The following TEX2 variants were observed in gnomAD, a reference collection of about 807,000 sequenced individuals.
TEX2 encodes testis-expressed protein 2.
Under a neutral mutation model 106.9 loss-of-function variants are expected in TEX2, and 53 were observed. The ratio of observed to expected loss-of-function variants is 0.50; its 90% CI spans 0.40 to 0.62. The LOEUF (loss-of-function observed/expected upper bound fraction) is 0.62. Among genes scored for constraint, TEX2 ranks in the 20% least tolerant of loss-of-function variants. The pLI is 0.00. For synonymous variants in TEX2, 523 were observed against 534.8 expected (o/e 0.98, Z 0.30); for missense variants, 1,207 against 1,379.0 (o/e 0.88, Z 1.98).
chr17:64,188,513 CTG>C, intron 4 of TEX2, 98 bp from the exon 5 acceptor site: 2 of 1,559,518 alleles, frequency 1.3e-6, no homozygotes, highest in South Asian at 2.4e-5. Flanking sequence ...TATCAAATGA[CTG>C]TTTAAAAATA....
chr17:64,259,328 A>G (rs1290620696), intron 1 of TEX2, among the ~76,000 whole-genome samples: 2 of 152,184 alleles, frequency 1.3e-5, no homozygotes, highest in Admixed American at 1.3e-4. Flanking sequence ...CACGCAGTGT[A>G]ATTACGCATT....
chr17:64,173,531 T>C (rs57965889), intron 6 of TEX2, among the ~76,000 whole-genome samples: 1 of 152,304 alleles, frequency 6.6e-6, no homozygotes, highest in East Asian at 1.9e-4. Context: ...TCTGATTTTT[T>C]GTGGAGGGGA....
chr17:64,183,448 G>A (rs1437859106), intron 5 of TEX2, among the ~76,000 whole-genome samples: 2 of 151,664 alleles, frequency 1.3e-5, no homozygotes, highest in African/African-American at 4.8e-5. Flanking sequence ...CTTTTTTGAG[G>A]CAGAGTCTCA....
chr17:64,211,441 A>T (rs1213781584), intron 2 of TEX2, among the ~76,000 whole-genome samples: 2 of 152,214 alleles, frequency 1.3e-5, no homozygotes, highest in Non-Finnish European at 2.9e-5. Flanking sequence ...CTCTAAAAAC[A>T]TATACAATCA....
intron 8 of TEX2, among the ~76,000 whole-genome samples, chr17:64,158,247 CCAGTAAGGAGGACATCTCA>C (rs2030722296): frequency 6.6e-6 from 1 of 152,220 alleles, no homozygotes; most frequent in South Asian, 2.1e-4. Context: ...AAACTTCCTA[CCAGTAAGGAGGACATCTCA>C]CAGGTTAAGC....
chr17:64,229,910 C>G (rs1555634408), intron 1 of TEX2, among the ~76,000 whole-genome samples: 2 of 152,150 alleles, frequency 1.3e-5, no homozygotes, highest in African/African-American at 4.8e-5. Flanking sequence ...TCTTCAAAAA[C>G]TGAAAAAACT....
rs1315800807 is a variant in TEX2, at chr17:64,194,928, G to C, written c.1812C>G (p.Ile604Met). 1 of 1,614,040 alleles carries C rather than the reference G, an allele frequency of 6.2e-7. No homozygotes were observed. The highest frequency in any genetic ancestry group is 1.3e-5 in the African/African-American group (1 of 74,920). Reference sequence around the variant, plus strand: ...CTGAGAGGTCATAGATTTTCTGGCTGATGTAGGTGACCTCTGGCTTGGGTT... The same window carrying C: ...CTGAGAGGTCATAGATTTTCTGGCTCATGTAGGTGACCTCTGGCTTGGGTT... Reference protein sequence around the residue: ...YNEPKPEVTYISQKIYDLSDS... With the variant: ...YNEPKPEVTYMSQKIYDLSDS... Residue 604 changes from isoleucine to methionine, a missense_variant, in exon 3 of 12, where the codon ATC (isoleucine) becomes ATG (methionine). By Grantham distance (10) the Ile-to-Met change is conservative (BLOSUM62 1). Coordinates refer to ENST00000584379, the MANE Select transcript of TEX2 (RefSeq NM_001288732.2).
At chr17:64,225,712 T>C (rs78068106) in intron 1 of TEX2, among the ~76,000 whole-genome samples, 1,937 of 130,796 alleles carry the variant, frequency 0.015, 43 homozygotes, top group African/African-American at 0.046. Flanking sequence ...CTTTTCTTTT[T>C]TTTTGTTTGT....
chr17:64,183,046 C>T (rs2031942146), intron 5 of TEX2, among the ~76,000 whole-genome samples: 2 of 152,030 alleles, frequency 1.3e-5, no homozygotes, highest in South Asian at 4.1e-4. Context: ...GCTGGGACTA[C>T]AGGCGTGCAC....
intron 8 of TEX2, 47 bp downstream of exon 8, chr17:64,160,754 G>A: frequency 6.2e-7 from 1 of 1,605,620 alleles, no homozygotes; most frequent in Non-Finnish European, 8.5e-7. Flanking sequence ...GGAGGGAGAA[G>A]CTGGTGCCCC....
chr17:64,222,402 C>T (rs1555633390), intron 1 of TEX2, among the ~76,000 whole-genome samples: 2 of 151,378 alleles, frequency 1.3e-5, no homozygotes, highest in Non-Finnish European at 1.5e-5. Context: ...CCTGTAATCC[C>T]AGTTACTCGG....
chr17:64,158,590 G>A (rs954700653), intron 8 of TEX2, among the ~76,000 whole-genome samples: 14 of 152,276 alleles, frequency 9.2e-5, no homozygotes, highest in Admixed American at 2.6e-4. Flanking sequence ...ACTAAGCCGC[G>A]TGGTGATTCC....
intron 1 of TEX2, among the ~76,000 whole-genome samples, chr17:64,228,306 A>T (rs2033562033): frequency 6.6e-6 from 1 of 151,442 alleles, no homozygotes; most frequent in South Asian, 2.1e-4. Context: ...TGGTTTCGGG[A>T]TGATTCAAGT....
intron 1 of TEX2, among the ~76,000 whole-genome samples, chr17:64,234,662 T>A (rs542647560): frequency 1.3e-5 from 2 of 152,216 alleles, no homozygotes; most frequent in South Asian, 4.1e-4. Flanking sequence ...CCTCAGCTTG[T>A]TGGGAGAAAG....
At chr17:64,224,559 T>G (rs1830052) in intron 1 of TEX2, among the ~76,000 whole-genome samples, 132,988 of 152,170 alleles carry the variant, frequency 0.87, 58,446 homozygotes, top group African/African-American at 0.97. Context: ...TCTATCTTCA[T>G]CACTGGCAAG....
chr17:64,220,580 C>T (rs2033329166), intron 1 of TEX2, among the ~76,000 whole-genome samples: 1 of 52,380 alleles, frequency 1.9e-5, no homozygotes, highest in African/African-American at 5.3e-5. Context: ...GACATTTATG[C>T]AGCAAAAAAA....
chr17:64,160,498 TTGCTCGGATGAGTC>T (rs1374114974), intron 8 of TEX2, among the ~76,000 whole-genome samples: 2 of 152,202 alleles, frequency 1.3e-5, no homozygotes, highest in Non-Finnish European at 2.9e-5. Flanking sequence ...GATCATTTTA[TTGCTCGGATGAGTC>T]TGCCCTGCTT....
At chr17:64,219,964 G>A (rs1555633092) in intron 1 of TEX2, among the ~76,000 whole-genome samples, 1 of 152,184 alleles carries the variant, frequency 6.6e-6, no homozygotes, top group Admixed American at 6.5e-5. Context: ...TGCCTGGGTG[G>A]GCCCAATGTA....
chr17:64,207,675 T>C (rs1276471766), intron 2 of TEX2, among the ~76,000 whole-genome samples: 1 of 151,826 alleles, frequency 6.6e-6, no homozygotes, highest in Non-Finnish European at 1.5e-5. Context: ...GGAGGCAGAG[T>C]GGAAATCTGG....
Sources: gnomAD v4.1 joint callset for allele counts (sites outside exome capture counted in the v4.1 genomes callset) on GRCh38, gnomAD v4.1.1 for gene constraint, MANE v1.5 for transcripts, NCBI Gene and HGNC (gene_info 2026-07-23, HGNC 2026-07-21) for gene names.